The following GPHA2 variants were observed in gnomAD, a reference collection of about 807,000 sequenced individuals.
GPHA2 encodes the protein glycoprotein hormone alpha-2.
In GPHA2, 12 loss-of-function variants were observed where a neutral mutation model predicts 15.3. The observed-to-expected ratio is 0.78, with a 90% confidence interval of 0.50 to 1.27. The LOEUF (loss-of-function observed/expected upper bound fraction) is 1.27, where lower values mean the gene tolerates loss of function less well. Ranked by LOEUF, GPHA2 falls within the 50% of genes most tolerant of loss-of-function variation. GPHA2 has a pLI of 0.00. For missense variants in GPHA2, 156 were observed against 169.5 expected, an observed-to-expected ratio of 0.92 and a Z score of 0.44; for synonymous variants, 61 against 66.8, an observed-to-expected ratio of 0.91 and a Z score of 0.42.
rs753538831 is a variant in GPHA2 at position 64,935,139 on chromosome 11, G to A, written c.140C>T (p.Thr47Ile). 21 of 1,613,886 alleles carry A rather than the reference G, an allele frequency of 1.3e-5. No homozygotes were observed. The highest frequency in any genetic ancestry group is 5.0e-5 in the Admixed American group (3 of 59,996). ...CTGTGCCACGTGGGAGCCCTGGCAG[G>A]TGCCTTGGCGGTCACTTCGCACTGT... is the stretch of plus-strand genomic sequence containing the variant. ...NVTVRSDRQG[T>I]CQGSHVAQAC... The change falls in exon 3 of 4, where the codon ACC (threonine) becomes ATC (isoleucine). Residue 47 changes from threonine to isoleucine, a missense_variant. Thr to Ile is a moderately conservative substitution (Grantham distance 89, BLOSUM62 -1). Transcript: ENST00000279168.
chr11:64,934,638 C>G lies in GPHA2; in HGVS notation c.*135G>C. The G allele has an allele frequency of 1.4e-6, 1 of 721,256 alleles. No individual in the cohort carries two copies. Among genetic ancestry groups the G allele is most frequent in the Non-Finnish European group, 2.4e-6 (1 of 408,962 alleles). 44.7% of individuals were successfully genotyped at this position (721,256 alleles called of 1,614,324 possible). A position where few individuals can be genotyped will look rare whatever the true frequency, so the allele number is the denominator to read the frequency against. On this transcript the variant is annotated 3_prime_UTR_variant, in exon 4 of 4. Coordinates refer to ENST00000279168, the MANE Select transcript of GPHA2 (RefSeq NM_130769.4). ...GGATCAAAGCTGGAACAACCCTCCC[C>G]TTATTTAAAAAAATTCCATAGCAAG...
chr11:64,934,804 TGGCA>T lies in GPHA2; in HGVS notation c.355_358del (p.Cys119SerfsTer25). 6.2e-7 allele frequency: 1 copy of T among 1,614,094 alleles called. No individual in the cohort carries two copies. On this transcript the variant is annotated frameshift_variant, in exon 4 of 4. Coordinates refer to ENST00000279168, the MANE Select transcript of GPHA2 (RefSeq NM_130769.4). LOFTEE classifies it high-confidence loss of function. ...GCGAGAGAGGCGACACATGTCACAC[TGGCA>T]GGCCCTGGCCGTGAAGATCTCGAGC... is the stretch of plus-strand genomic sequence containing the variant.
chr11:64,936,475 G>T (rs1468257939), upstream of GPHA2, among the ~76,000 whole-genome samples: 1 of 152,060 alleles, frequency 6.6e-6, no homozygotes, highest in East Asian at 1.9e-4. Flanking sequence ...GTAGAGACAG[G>T]ATTTTGCCAT....
At position 64,935,178 on chromosome 11, in the gene GPHA2, A is replaced by G. The variant is rs1314436004; in HGVS notation, c.104-3T>C. ...ACTTCGCACTGTCACATTGAAGGCT[A>G]GAAGGAGATAGGCAAGCAGTAGACG... On this transcript the variant is annotated splice_polypyrimidine_tract_variant and splice_region_variant and intron_variant, in intron 2 of 3. Coordinates refer to ENST00000279168, the MANE Select transcript of GPHA2 (RefSeq NM_130769.4). The G allele has an allele frequency of 6.2e-7, 1 of 1,611,088 alleles. No individual in the cohort carries two copies.
chr11:64,936,149 G>A (rs1336395142), upstream of GPHA2, among the ~76,000 whole-genome samples: 2 of 152,214 alleles, frequency 1.3e-5, no homozygotes, highest in Admixed American at 1.3e-4. Context: ...GGAGTGTGCA[G>A]CGTGTGTGCA....
Position 64,935,098 on chromosome 11 carries a change from A to C in GPHA2, c.181T>G (p.Cys61Gly). The part of the protein sequence containing the change: ...SHVAQACVGH[C>G]ESSAFPSRYS... ...CGAGAAGGGAAGGCGCTGGACTCAC[A>C]GTGGCCCACACAGGCCTGTGCCACG... The change falls in exon 3 of 4, where the codon TGT becomes GGT. Residue 61 changes from cysteine to glycine, a missense_variant. Transcript: ENST00000279168. The C allele has an allele frequency of 1.9e-6, 3 of 1,614,000 alleles. No homozygotes were observed. Among genetic ancestry groups the C allele is most frequent in the Non-Finnish European group, 2.5e-6 (3 of 1,179,980 alleles).
At chr11:64,934,913 C>T in intron 3 of GPHA2, 39 bp from the exon 4 acceptor site, 2 of 1,612,554 alleles carry the variant, frequency 1.2e-6, no homozygotes, top group Non-Finnish European at 1.7e-6. Context: ...TCCCCTTTCT[C>T]AGGGCTGTCT....
chr11:64,936,848 G>A (rs1189506291), upstream of GPHA2, among the ~76,000 whole-genome samples: 1 of 152,122 alleles, frequency 6.6e-6, no homozygotes, highest in African/African-American at 2.4e-5. Context: ...TGGAATAACA[G>A]GGACCTGACT....
upstream of GPHA2, among the ~76,000 whole-genome samples, chr11:64,936,790 A>G (rs965534811): frequency 1.3e-5 from 2 of 152,074 alleles, no homozygotes; most frequent in African/African-American, 4.8e-5. Flanking sequence ...GATGATTCGC[A>G]TCCTGTGCTA....
upstream of GPHA2, among the ~76,000 whole-genome samples, chr11:64,936,809 C>T (rs561235102): frequency 7.8e-4 from 118 of 152,180 alleles, no homozygotes; most frequent in Non-Finnish European, 1.3e-3. Context: ...TACAGAGTAA[C>T]GTTCTGAGCT....
At chr11:64,935,287 C>A in intron 2 of GPHA2, 71 bp downstream of exon 2, 1 of 1,398,436 alleles carries the variant, frequency 7.2e-7, no homozygotes, top group Non-Finnish European at 9.7e-7. Context: ...CCTGCCCCAC[C>A]GTCCACTCAG....
At chr11:64,935,493 G>C (rs1406680583) in intron 1 of GPHA2, 33 bp from the exon 2 acceptor site, 8 of 1,444,294 alleles carry the variant, frequency 5.5e-6, no homozygotes, top group Non-Finnish European at 6.6e-6. Context: ...CTCTACGTGG[G>C]TGTGCAGGTG....
chr11:64,937,158 T>C (rs17146506), upstream of GPHA2, among the ~76,000 whole-genome samples: 7,558 of 152,228 alleles, frequency 0.05, 217 homozygotes, highest in Middle Eastern at 0.065. Context: ...TTTGGGGTCA[T>C]TGCCTCACTG....
chr11:64,935,631 G>GTA lies in GPHA2; in HGVS notation c.1-173_1-172dup, dbSNP rs1945285774. On this transcript the variant is annotated intron_variant, in intron 1 of 3. Transcript: ENST00000279168. ...TGCCTTTGTGTGTGTGTGTGTGTGT[G>GTA]TATGGGTGTGAGTGTGAGCAGCTGT... 7.7e-6 allele frequency: 4 copies of GTA among 521,952 alleles called. No individual in the cohort carries two copies. The South Asian group carries it at 1.2e-4, about 16-fold the overall frequency. The allele number at this position is 521,952 out of a possible 1,614,324, so 32.3% of individuals were successfully genotyped here.
In GPHA2 at chr11:64,934,816, G is replaced by T; in HGVS notation, c.347C>A (p.Ala116Asp). 1.2e-6 allele frequency: 2 copies of T among 1,614,018 alleles called. No individual in the cohort carries two copies. Among genetic ancestry groups the T allele is most frequent in the Non-Finnish European group, 1.7e-6 (2 of 1,179,988 alleles). ...ACACATGTCACACTGGCAGGCCCTGGCCGTGAAGATCTCGAGCTCCTCCCT... is the reference window on the plus strand; with the variant it reads ...ACACATGTCACACTGGCAGGCCCTGTCCGTGAAGATCTCGAGCTCCTCCCT... ...SRREELEIFT[A>D]RACQCDMCRL... The change falls in exon 4 of 4, where the codon GCC becomes GAC. Residue 116 changes from alanine to aspartate, a missense_variant. Transcript: ENST00000279168.
At position 64,934,734 on chromosome 11, in the gene GPHA2, G is replaced by C. The variant is rs1267150700; in HGVS notation, c.*39C>G. ...CAGGTTTCCCCCACCAGAACGTCAA[G>C]CCCTGTGACCCAGGGGAGGAAGGAG... On this transcript the variant is annotated 3_prime_UTR_variant, in exon 4 of 4. Transcript: ENST00000279168. 2 of 1,511,944 alleles carry C rather than the reference G, an allele frequency of 1.3e-6. No homozygotes were observed. Among genetic ancestry groups the C allele is most frequent in the African/African-American group, 2.7e-5 (2 of 72,926 alleles). 93.7% of individuals were successfully genotyped at this position (1,511,944 alleles called of 1,614,324 possible). A position where few individuals can be genotyped will look rare whatever the true frequency, so the allele number is the denominator to read the frequency against.
At chr11:64,935,527 G>T in intron 1 of GPHA2, 67 bp from the exon 2 acceptor site, 1 of 1,095,252 alleles carries the variant, frequency 9.1e-7, no homozygotes. Context: ...TTTAAATACT[G>T]CATTCCAGGT....
chr11:64,935,797 A>C (rs1590684032), intron 1 of GPHA2, 37 bp downstream of exon 1: 2 of 197,646 alleles, frequency 1.0e-5, no homozygotes, highest in Non-Finnish European at 2.1e-5. Flanking sequence ...ACATTCCCAG[A>C]CCCTCCCCAG....
In GPHA2 at chr11:64,934,647, A is replaced by G; in HGVS notation, c.*126T>C. On this transcript the variant is annotated 3_prime_UTR_variant, in exon 4 of 4. Transcript: ENST00000279168. The stretch of plus-strand genomic sequence containing the variant: ...CTGGAACAACCCTCCCCTTATTTAA[A>G]AAAATTCCATAGCAAGTAACCATCA... 1 of 775,766 alleles carries G rather than the reference A, an allele frequency of 1.3e-6. No homozygotes were observed. The highest frequency in any genetic ancestry group is 2.2e-6 in the Non-Finnish European group (1 of 448,078). 48.1% of individuals were successfully genotyped at this position (775,766 alleles called of 1,614,324 possible). A position where few individuals can be genotyped will look rare whatever the true frequency, so the allele number is the denominator to read the frequency against.
Sources: gnomAD v4.1 joint callset for allele counts (sites outside exome capture counted in the v4.1 genomes callset) on GRCh38, gnomAD v4.1.1 for gene constraint, MANE v1.5 for transcripts, NCBI Gene and HGNC (gene_info 2026-07-23, HGNC 2026-07-21) for gene names.